NPC1: variants seen among roughly 807,000 people sequenced by gnomAD.
NPC1 encodes Niemann-Pick C1 protein.
A neutral mutation model predicts 140.4 loss-of-function variants in NPC1; 85 were observed. The observed-to-expected ratio is 0.61, with a 90% CI of 0.51 to 0.72. NPC1 has a LOEUF of 0.72. Among genes scored for constraint, NPC1 ranks in the 30% least tolerant of loss-of-function variants. The pLI is 0.00. For missense variants in NPC1, 1,504 were observed against 1,623.8 expected (o/e 0.93, Z 1.27); for synonymous variants, 656 against 624.8 (o/e 1.05, Z -0.74).
intron 4 of NPC1, among the ~76,000 whole-genome samples, chr18:23,568,380 C>T (rs1175331191): frequency 6.6e-6 from 1 of 152,138 alleles, no homozygotes; most frequent in Non-Finnish European, 1.5e-5. Context: ...TTGGTCAATG[C>T]TGGGGGATCA....
intron 3 of NPC1, among the ~76,000 whole-genome samples, chr18:23,571,291 G>C (rs2145540148): frequency 6.6e-6 from 1 of 151,266 alleles, no homozygotes; most frequent in South Asian, 2.1e-4. Flanking sequence ...AGCACTCTGG[G>C]AGGCTAAGGT....
downstream of NPC1, chr18:23,529,327 A>C (rs781142688): frequency 6.3e-7 from 1 of 1,594,624 alleles, no homozygotes; most frequent in Non-Finnish European, 8.5e-7. Context: ...CCTCTTCTGG[A>C]CTGAGAATGC....
chr18:23,524,818 G>C (rs776210710), downstream of NPC1, among the ~76,000 whole-genome samples: 8 of 151,738 alleles, frequency 5.3e-5, no homozygotes, highest in Non-Finnish European at 1.2e-4. Flanking sequence ...CTTCCCACCG[G>C]TGTCCGTGCC....
intron 8 of NPC1, 119 bp downstream of exon 8, chr18:23,556,124 A>T: frequency 1.1e-6 from 1 of 918,232 alleles, no homozygotes; most frequent in Non-Finnish European, 1.8e-6. Context: ...ATACGCTAAG[A>T]TTTTCAAGAT....
Position 23,531,804 on chromosome 18 carries a change from C to A in NPC1, c.*398G>T. On this transcript the variant is annotated 3_prime_UTR_variant, in exon 25 of 25. Transcript: ENST00000269228. ...AAAATGTTATAAAGTGTATCTACAACCTCAACTGTCACTAAAAATATGGTA... is the reference window on the plus strand; with the variant it reads ...AAAATGTTATAAAGTGTATCTACAAACTCAACTGTCACTAAAAATATGGTA... 1 of 1,518,764 alleles carries A rather than the reference C, an allele frequency of 6.6e-7. No homozygotes were observed. The highest frequency in any genetic ancestry group is 1.3e-5 in the South Asian group (1 of 76,338). The allele number at this position is 1,518,764 out of a possible 1,614,324, so 94.1% of individuals were successfully genotyped here. A position where few individuals can be genotyped will look rare whatever the true frequency, so the allele number is the denominator to read the frequency against.
At chr18:23,573,892 C>T (rs181396764) in intron 1 of NPC1, among the ~76,000 whole-genome samples, 123 of 152,246 alleles carry the variant, frequency 8.1e-4, no homozygotes, top group Non-Finnish European at 1.3e-3. Flanking sequence ...AGTGACTTAG[C>T]AATTACTAAA....
chr18:23,586,488 G>T lies in NPC1; in HGVS notation c.-145C>A. The T allele has an allele frequency of 7.0e-7, 1 of 1,424,796 alleles. No homozygotes were observed. Among genetic ancestry groups the T allele is most frequent in the Non-Finnish European group, 9.1e-7 (1 of 1,097,442 alleles). 88.3% of individuals were successfully genotyped at this position (1,424,796 alleles called of 1,614,324 possible). On this transcript the variant is annotated 5_prime_UTR_variant, in exon 1 of 25. Transcript: ENST00000269228. The stretch of plus-strand genomic sequence containing the variant: ...CAGGCGCTGACCGCGGCAGCAGGCT[G>T]CGCGCGCCGGTCAGGAAGGAAGAAG...
chr18:23,532,696 T>TC (rs1491564777), intron 24 of NPC1, among the ~76,000 whole-genome samples: 1 of 11,530 alleles, frequency 8.7e-5, no homozygotes, highest in Admixed American at 1.1e-3. Context: ...TGCTCATCTC[T>TC]TTTTTTTTTT....
chr18:23,536,610 C>T (rs1346242479), intron 21 of NPC1, 63 bp downstream of exon 21: 4 of 1,452,598 alleles, frequency 2.8e-6, no homozygotes, highest in African/African-American at 2.8e-5. Flanking sequence ...GGGAACCCTC[C>T]CCACTCCCAC....
intron 3 of NPC1, among the ~76,000 whole-genome samples, chr18:23,571,429 G>A (rs2059201608): frequency 6.6e-6 from 1 of 152,012 alleles, no homozygotes; most frequent in Non-Finnish European, 1.5e-5. Flanking sequence ...GGCTGAGGCG[G>A]GTAGATGACT....
rs1457443917 is a variant in NPC1, at chr18:23,541,522, A to G, written c.2246-89T>C. The G allele has an allele frequency of 2.6e-6, 4 of 1,566,278 alleles. No homozygotes were observed. The East Asian group carries it at 9.1e-5, about 36-fold the overall frequency. On this transcript the variant is annotated intron_variant, in intron 14 of 24. Transcript: ENST00000269228. ...ATGTTCATGTGCATGTACAGATACAAGGAGCCAGCACAGGCCAAACGCATG... is the reference window on the plus strand; with the variant it reads ...ATGTTCATGTGCATGTACAGATACAGGGAGCCAGCACAGGCCAAACGCATG...
At chr18:23,533,312 A>C (rs774229250) in intron 24 of NPC1, 43 bp downstream of exon 24, 2 of 1,555,214 alleles carry the variant, frequency 1.3e-6, no homozygotes, top group Non-Finnish European at 1.8e-6. Context: ...CCTTTCAGTA[A>C]TGTCCTTCTA....
chr18:23,532,204 A>G lies in NPC1; in HGVS notation c.3835T>C (p.Ter1279GlnextTer7). 2 of 1,614,146 alleles carry G rather than the reference A, an allele frequency of 1.2e-6. No homozygotes were observed. Among genetic ancestry groups the G allele is most frequent in the Non-Finnish European group, 1.7e-6 (2 of 1,180,038 alleles). ...GTERERLLNF[*>Q] is the part of the protein sequence containing the mutation. ...AGTCAGGATGCCCTGCGAGAGGGCT[A>G]GAAATTTAGAAGCCGTTCGCGCTCT... The change falls in exon 25 of 25, where the codon TAG becomes CAG. Residue 1279 changes from the stop codon to glutamine (Q), a stop_lost. Coordinates refer to ENST00000269228, the MANE Select transcript of NPC1 (RefSeq NM_000271.5).
In NPC1 at chr18:23,556,337, CG is replaced by C. The variant is rs772785139; in HGVS notation, c.1231del (p.Arg411GlyfsTer38). On this transcript the variant is annotated frameshift_variant, in exon 8 of 25. Transcript: ENST00000269228. LOFTEE classifies it high-confidence loss of function. ...AATGTGTTTGTCAGTGAGAGGGGCC[CG>C]GATGATGAGCTGCTCCGTCCGGAAG... ...PFFRTEQLIIRAPLTDKHIYQ... is the reference protein window; with the variant it reads ...PFFRTEQLIIXAPLTDKHIYQ... The C allele has an allele frequency of 1.2e-6, 2 of 1,614,022 alleles. No homozygotes were observed.
chr18:23,527,776 G>A (rs112647919), downstream of NPC1: 125 of 1,602,940 alleles, frequency 7.8e-5, no homozygotes, highest in African/African-American at 1.3e-3. Flanking sequence ...ATCCGTGTGT[G>A]AACATTGTGC....
chr18:23,585,418 T>C (rs938366509), intron 1 of NPC1, among the ~76,000 whole-genome samples: 3 of 152,166 alleles, frequency 2.0e-5, no homozygotes, highest in African/African-American at 7.2e-5. Context: ...GAGTTTTTTC[T>C]AGTCCACGGA....
chr18:23,586,233 C>T, intron 1 of NPC1, 54 bp downstream of exon 1: 1 of 1,520,904 alleles, frequency 6.6e-7, no homozygotes, highest in South Asian at 1.2e-5. Context: ...CCTTCCCCGG[C>T]TCTCGGCCCC....
intron 24 of NPC1, 64 bp from the exon 25 acceptor site, chr18:23,532,348 G>T (rs2058540058): frequency 1.3e-6 from 2 of 1,575,142 alleles, no homozygotes; most frequent in Admixed American, 3.3e-5. Context: ...GCTGGGCATA[G>T]TGGCTCACGC....
chr18:23,506,919 A>C, intron 3 of NPC1: 1 of 1,216,264 alleles, frequency 8.2e-7, no homozygotes, highest in Non-Finnish European at 1.2e-6. Flanking sequence ...AATAAATGGT[A>C]GTAGCTAGAA....
Sources: allele counts gnomAD v4.1 joint callset (sites outside exome capture counted in the v4.1 genomes callset), GRCh38; gene constraint gnomAD v4.1.1; transcripts MANE v1.5; gene names NCBI Gene and HGNC (gene_info 2026-07-23, HGNC 2026-07-21).